RBM20: variants seen among roughly 807,000 people sequenced by gnomAD.
RBM20 encodes RNA binding motif protein 20, also known as RNA-binding protein 20.
Under a neutral mutation model 110.1 loss-of-function variants are expected in RBM20, and 51 were observed. The ratio of observed to expected loss-of-function variants is 0.46; its 90% CI spans 0.37 to 0.59. The LOEUF is 0.59. RBM20 is among the 20% of genes least tolerant of loss of function. The pLI is 0.00. For synonymous variants in RBM20, 589 were observed against 618.2 expected, an observed-to-expected ratio of 0.95 and a Z score of 0.70; for missense variants, 1,512 against 1,574.9, an observed-to-expected ratio of 0.96 and a Z score of 0.68.
At chr10:110,787,528 C>A (rs986259935) in intron 5 of RBM20, among the ~76,000 whole-genome samples, 2 of 152,254 alleles carry the variant, frequency 1.3e-5, no homozygotes, top group African/African-American at 4.8e-5. Flanking sequence ...CAGTGTTCCC[C>A]TTACACAAAT....
At position 110,836,367 on chromosome 10, in the gene RBM20, C is replaced by T. The variant is rs1276265962; in HGVS notation, c.*389C>T. 6.4e-6 allele frequency: 1 copy of T among 156,460 alleles called. No homozygotes were observed. Among genetic ancestry groups the T allele is most frequent in the Non-Finnish European group, 1.4e-5 (1 of 70,856 alleles). 9.7% of individuals were successfully genotyped at this position (156,460 alleles called of 1,614,324 possible). A position where few individuals can be genotyped will look rare whatever the true frequency, so the allele number is the denominator to read the frequency against. On this transcript the variant is annotated 3_prime_UTR_variant, in exon 14 of 14. Coordinates refer to ENST00000369519, the MANE Select transcript of RBM20 (RefSeq NM_001134363.3). ...TGTTTAAATTCTTGGTAGGATATAA[C>T]AGGTCAGGCCTAGCTGAGTCAGGCA...
intron 1 of RBM20, among the ~76,000 whole-genome samples, chr10:110,698,318 G>A (rs1408678419): frequency 2.0e-5 from 3 of 152,298 alleles, no homozygotes; most frequent in Non-Finnish European, 2.9e-5. Flanking sequence ...CAGATACCCA[G>A]GACACACAGG....
intron 1 of RBM20, among the ~76,000 whole-genome samples, chr10:110,676,976 T>C (rs367611161): frequency 1.2e-4 from 18 of 152,356 alleles, no homozygotes; most frequent in African/African-American, 4.3e-4. Flanking sequence ...TCTTAGGCTG[T>C]TTTCTGTTGC....
chr10:110,695,023 G>A (rs949178619), intron 1 of RBM20, among the ~76,000 whole-genome samples: 1 of 152,092 alleles, frequency 6.6e-6, no homozygotes, highest in African/African-American at 2.4e-5. Context: ...GATTGACAGG[G>A]CAAAACTGAA....
chr10:110,668,642 G>T (rs1232987873), intron 1 of RBM20, among the ~76,000 whole-genome samples: 1 of 152,092 alleles, frequency 6.6e-6, no homozygotes, highest in East Asian at 1.9e-4. Context: ...TTCCTGCCCA[G>T]AGAGTTTGCG....
chr10:110,759,982 C>T (rs1312760086), intron 1 of RBM20, among the ~76,000 whole-genome samples: 1 of 152,228 alleles, frequency 6.6e-6, no homozygotes, highest in East Asian at 1.9e-4. Flanking sequence ...ACCTGACTGT[C>T]TGCAATTAGC....
At chr10:110,799,516 T>A (rs986777752) in intron 6 of RBM20, among the ~76,000 whole-genome samples, 1 of 152,180 alleles carries the variant, frequency 6.6e-6, no homozygotes, top group Non-Finnish European at 1.5e-5. Flanking sequence ...ATCCTAAGTG[T>A]ACAATTCCAT....
At position 110,802,444 on chromosome 10, in the gene RBM20, C is replaced by T. The variant is rs557398254; in HGVS notation, c.1800+2526C>T. Among the ~76,000 whole-genome samples the T allele has an allele frequency of 6.6e-5, 10 of 151,488 alleles. No individual in the cohort carries two copies. The South Asian group carries it at 2.1e-3, about 32-fold the overall frequency. On this transcript the variant is annotated intron_variant, in intron 7 of 13. Coordinates refer to ENST00000369519, the MANE Select transcript of RBM20 (RefSeq NM_001134363.3). ...GCTTCTTTCAGACAAGTAAGCATCCCACCCCATTCTATATCCAACCAAAGT... is the reference window on the plus strand; with the variant it reads ...GCTTCTTTCAGACAAGTAAGCATCCTACCCCATTCTATATCCAACCAAAGT...
intron 1 of RBM20, among the ~76,000 whole-genome samples, chr10:110,727,143 CTTTTTTTTTTTTTTTTTT>C (rs57606079): frequency 1.2e-5 from 1 of 80,664 alleles, no homozygotes; most frequent in East Asian, 4.8e-4. Context: ...TGCACCCAGC[CTTTTTTTTTTTTTTTTTT>C]TTTTTTTTTT....
chr10:110,656,980 G>A (rs776830245), intron 1 of RBM20, among the ~76,000 whole-genome samples: 15 of 150,916 alleles, frequency 9.9e-5, no homozygotes, highest in Non-Finnish European at 1.6e-4. Flanking sequence ...GTTCTTTTGG[G>A]TATATATCTT....
chr10:110,645,713 T>C (rs1471007254), intron 1 of RBM20, among the ~76,000 whole-genome samples: 3 of 152,200 alleles, frequency 2.0e-5, no homozygotes, highest in Admixed American at 2.0e-4. Context: ...ATTTATCTAA[T>C]AGAAAGAATT....
Position 110,781,862 on chromosome 10 carries a change from A to G in RBM20, c.1253A>G (p.Asp418Gly). Residue 418 changes from aspartate to glycine, a missense_variant, in exon 2 of 14, where the codon GAC becomes GGC. Physicochemically the swap from Asp to Gly is moderately conservative, Grantham distance 94 (BLOSUM62 -1). Transcript: ENST00000369519. ...TTGCCGCATATCTGTAGCATCTGTG[A>G]CAAGAAGGTGTTTGATTTGAAGGTG... ...LHLPHICSIC[D>G]KKVFDLKDWE... The G allele has an allele frequency of 1.3e-6, 2 of 1,551,688 alleles. No homozygotes were observed. The highest frequency in any genetic ancestry group is 2.4e-5 in the South Asian group (2 of 84,054).
At chr10:110,655,844 G>A (rs928410602) in intron 1 of RBM20, among the ~76,000 whole-genome samples, 1 of 151,738 alleles carries the variant, frequency 6.6e-6, no homozygotes, top group African/African-American at 2.4e-5. Flanking sequence ...ATTTCAAATA[G>A]CAATTCAATA....
intron 1 of RBM20, among the ~76,000 whole-genome samples, chr10:110,699,628 AG>A (rs995847875): frequency 2.0e-4 from 31 of 152,274 alleles, no homozygotes; most frequent in African/African-American, 7.5e-4. Flanking sequence ...GCATTCTTAA[AG>A]GGTACTTGTT....
chr10:110,815,661 C>T (rs537455664), intron 9 of RBM20, among the ~76,000 whole-genome samples: 3 of 152,340 alleles, frequency 2.0e-5, no homozygotes, highest in African/African-American at 7.2e-5. Flanking sequence ...CTTCTACTCA[C>T]ACTCCTGAGA....
intron 1 of RBM20, among the ~76,000 whole-genome samples, chr10:110,732,153 A>T (rs1843626073): frequency 6.6e-6 from 1 of 151,874 alleles, no homozygotes; most frequent in South Asian, 2.1e-4. Flanking sequence ...TATTTCTTAT[A>T]CATAGCATCC....
chr10:110,741,789 AC>A (rs931473182), intron 1 of RBM20, among the ~76,000 whole-genome samples: 2 of 151,360 alleles, frequency 1.3e-5, no homozygotes, highest in African/African-American at 4.9e-5. Context: ...TCCTCTAGGA[AC>A]CCCTCCAGGA....
At chr10:110,688,326 T>C (rs1862535895) in intron 1 of RBM20, among the ~76,000 whole-genome samples, 1 of 152,244 alleles carries the variant, frequency 6.6e-6, no homozygotes, top group Non-Finnish European at 1.5e-5. Context: ...TTATGCATTT[T>C]ACTCAAGAAA....
intron 7 of RBM20, among the ~76,000 whole-genome samples, chr10:110,800,590 C>T (rs1844609568): frequency 6.6e-6 from 1 of 152,072 alleles, no homozygotes; most frequent in Admixed American, 6.5e-5. Context: ...AAACCACCAC[C>T]AAAGTCAAGA....
Sources: gnomAD v4.1 joint callset for allele counts (sites outside exome capture counted in the v4.1 genomes callset) on GRCh38, gnomAD v4.1.1 for gene constraint, MANE v1.5 for transcripts, NCBI Gene and HGNC (gene_info 2026-07-23, HGNC 2026-07-21) for gene names.